Variants in AIG1 observed in about 807,000 individuals in gnomAD.
AIG1 encodes the protein androgen induced 1, also known as androgen-induced gene 1 protein.
In AIG1, 23 loss-of-function variants were observed where a neutral mutation model predicts 31.4. The ratio of observed to expected loss-of-function variants is 0.73; its 90% CI spans 0.53 to 1.04. The LOEUF (loss-of-function observed/expected upper bound fraction) is 1.04. Ranked by LOEUF, AIG1 falls within the 50% of genes least tolerant of loss-of-function variation. The probability of loss-of-function intolerance (pLI) is 0.00; values close to 1 mark genes in which losing one functional copy is unlikely to be tolerated. For missense variants in AIG1, 274 were observed against 295.0 expected (o/e 0.93, Z 0.52); for synonymous variants, 100 against 110.5 (o/e 0.90, Z 0.60).
intron 3 of AIG1, among the ~76,000 whole-genome samples, chr6:143,214,533 T>C (rs1791849192): frequency 6.6e-6 from 1 of 152,216 alleles, no homozygotes; most frequent in Admixed American, 6.5e-5. Context: ...CATTGCAGAA[T>C]ATGTGATGGG....
At chr6:143,287,795 G>A (rs1797793726) in intron 4 of AIG1, among the ~76,000 whole-genome samples, 1 of 147,008 alleles carries the variant, frequency 6.8e-6, no homozygotes. Flanking sequence ...GTCCTGAGAT[G>A]CTTCTCAACA....
chr6:143,165,010 A>G (rs1583385019), intron 2 of AIG1, 72 bp from the exon 3 acceptor site: 4 of 1,178,448 alleles, frequency 3.4e-6, no homozygotes, highest in East Asian at 2.4e-5. Context: ...TCTTTCAACT[A>G]TTGTTAACCA....
intron 2 of AIG1, among the ~76,000 whole-genome samples, 177 bp downstream of exon 2, chr6:143,137,167 G>T (rs1783838357): frequency 6.6e-6 from 1 of 152,216 alleles, no homozygotes; most frequent in Non-Finnish European, 1.5e-5. Context: ...CGTAGTTCTG[G>T]AGGCTGAAGT....
chr6:143,214,432 G>A (rs1185732540), intron 3 of AIG1, among the ~76,000 whole-genome samples: 1 of 152,194 alleles, frequency 6.6e-6, no homozygotes, highest in African/African-American at 2.4e-5. Flanking sequence ...ATGAAATCTA[G>A]GTTATTATTA....
intron 1 of AIG1, among the ~76,000 whole-genome samples, chr6:143,121,624 A>G (rs1782251690): frequency 6.6e-6 from 1 of 152,200 alleles, no homozygotes; most frequent in African/African-American, 2.4e-5. Flanking sequence ...CTGGTTAGCA[A>G]CCAGGGCTTT....
chr6:143,270,992 C>T (rs1453087297), intron 3 of AIG1, among the ~76,000 whole-genome samples: 2 of 152,210 alleles, frequency 1.3e-5, no homozygotes, highest in Non-Finnish European at 2.9e-5. Context: ...ATGCCATTTG[C>T]AGGGTGCTTG....
At chr6:143,118,685 G>A (rs1781960926) in intron 1 of AIG1, among the ~76,000 whole-genome samples, 1 of 152,096 alleles carries the variant, frequency 6.6e-6, no homozygotes, top group Non-Finnish European at 1.5e-5. Context: ...AATTAGCTTA[G>A]CAGCATAACC....
At chr6:143,151,347 G>T (rs926072838) in intron 2 of AIG1, among the ~76,000 whole-genome samples, 1 of 152,048 alleles carries the variant, frequency 6.6e-6, no homozygotes, top group African/African-American at 2.4e-5. Context: ...ATGGTTCATA[G>T]AGAAAAACAA....
intron 1 of AIG1, among the ~76,000 whole-genome samples, chr6:143,129,957 T>C (rs930216242): frequency 4.0e-5 from 6 of 150,336 alleles, no homozygotes; most frequent in African/African-American, 1.5e-4. Context: ...TTTTGGACGA[T>C]GTCTCCCTTG....
In AIG1 at chr6:143,284,365, G is replaced by T. The variant is rs977864785; in HGVS notation, c.515+140G>T. 1.0e-5 allele frequency: 6 copies of T among 587,850 alleles called. 1 individual carries two copies. The South Asian group carries it at 1.2e-4, about 12-fold the overall frequency. 36.4% of individuals were successfully genotyped at this position (587,850 alleles called of 1,614,324 possible). A position where few individuals can be genotyped will look rare whatever the true frequency, so the allele number is the denominator to read the frequency against. ...TGGTCCAAGACCTGGGCTTTGTCTCGTTTCCCCAGATGCTTATATTTTTAG... is the reference window on the plus strand; with the variant it reads ...TGGTCCAAGACCTGGGCTTTGTCTCTTTTCCCCAGATGCTTATATTTTTAG... On this transcript the variant is annotated intron_variant, in intron 4 of 5. Coordinates refer to ENST00000357847, the MANE Select transcript of AIG1 (RefSeq NM_016108.4). This position sits in a 1 kb window ranked among gnomAD's most constrained non-coding sequence, Gnocchi z 4.4.
intron 3 of AIG1, among the ~76,000 whole-genome samples, chr6:143,216,860 A>G (rs747037513): frequency 1.3e-5 from 2 of 152,222 alleles, no homozygotes; most frequent in Non-Finnish European, 2.9e-5. Context: ...CTCTTGATAT[A>G]GACTCAAGTG....
At chr6:143,117,286 GC>G (rs1277764837) in intron 1 of AIG1, among the ~76,000 whole-genome samples, 4 of 152,096 alleles carry the variant, frequency 2.6e-5, no homozygotes, top group African/African-American at 9.7e-5. Flanking sequence ...AAGGACTTTG[GC>G]TTTTACTGGG....
intron 3 of AIG1, among the ~76,000 whole-genome samples, chr6:143,216,684 C>T (rs1305086582): frequency 6.6e-6 from 1 of 152,194 alleles, no homozygotes; most frequent in Non-Finnish European, 1.5e-5. Flanking sequence ...TTTCTCCTTC[C>T]ATGCAAACTC....
intron 1 of AIG1, among the ~76,000 whole-genome samples, chr6:143,090,783 G>A (rs9484703): frequency 0.014 from 2,058 of 152,262 alleles, 46 homozygotes; most frequent in African/African-American, 0.046. Context: ...ATTGATCTGG[G>A]TGGTGGTTGC....
chr6:143,303,530 A>G (rs1798990402), intron 4 of AIG1, among the ~76,000 whole-genome samples: 1 of 152,192 alleles, frequency 6.6e-6, no homozygotes, highest in African/African-American at 2.4e-5. Context: ...AAGATTAGAT[A>G]GTTGTAGATA....
chr6:143,260,986 G>T (rs1441740895), intron 3 of AIG1, among the ~76,000 whole-genome samples: 1 of 152,188 alleles, frequency 6.6e-6, no homozygotes, highest in East Asian at 1.9e-4. Context: ...TCTTTAGCTG[G>T]TGGGAAGAGG....
At chr6:143,247,938 A>C (rs12055523) in intron 3 of AIG1, among the ~76,000 whole-genome samples, 2 of 152,168 alleles carry the variant, frequency 1.3e-5, no homozygotes, top group African/African-American at 4.8e-5. Flanking sequence ...TTACAAAAAC[A>C]TGAGAGCCTC....
At position 143,158,262 on chromosome 6, in the gene AIG1, C is replaced by T. The variant is rs189204677; in HGVS notation, c.298-6820C>T. On this transcript the variant is annotated intron_variant, in intron 2 of 5. Transcript: ENST00000357847. ...AGCCTGTTTCCACGTTTAGCATCAT[C>T]ACCTCTGACCCCTAATGCCAAACAG... Among the ~76,000 whole-genome samples the T allele has an allele frequency of 4.0e-4, 61 of 152,324 alleles. 1 individual carries two copies. In the Middle Eastern group the frequency reaches 0.024, roughly 59 times the overall value.
chr6:143,228,284 C>T (rs756117884), intron 3 of AIG1, among the ~76,000 whole-genome samples: 3 of 152,186 alleles, frequency 2.0e-5, no homozygotes, highest in Non-Finnish European at 4.4e-5. Flanking sequence ...TTGTTTTTTT[C>T]GCATCAGGCC....
Sources: allele counts gnomAD v4.1 joint callset (sites outside exome capture counted in the v4.1 genomes callset), GRCh38; gene constraint gnomAD v4.1.1; non-coding constraint Gnocchi (gnomAD v3.1); transcripts MANE v1.5; gene names NCBI Gene and HGNC (gene_info 2026-07-23, HGNC 2026-07-21).